Variants in ADARB1 observed in about 807,000 individuals in gnomAD.
The protein encoded by ADARB1 is adenosine deaminase RNA specific B1.
ADARB1 carries 10 observed loss-of-function variants against 52.4 expected under a neutral mutation model. The observed-to-expected ratio is 0.19, with a 90% CI of 0.12 to 0.32. The LOEUF (loss-of-function observed/expected upper bound fraction) is 0.32, where lower values mean the gene tolerates loss of function less well. Among genes scored for constraint, ADARB1 ranks in the 10% least tolerant of loss-of-function variants. The pLI, the probability that ADARB1 is intolerant of heterozygous loss-of-function variation, is 1.00. For missense variants in ADARB1, 643 were observed against 922.3 expected (o/e 0.70, Z 3.92); for synonymous variants, 349 against 371.1 (o/e 0.94, Z 0.68).
chr21:45,147,579 C>T (rs566151350), intron 2 of ADARB1, among the ~76,000 whole-genome samples: 5 of 152,324 alleles, frequency 3.3e-5, no homozygotes, highest in African/African-American at 4.8e-5. Flanking sequence ...GTTTTCCACA[C>T]GCCTCTTTTA....
chr21:45,219,473 A>G (rs182829670), intron 9 of ADARB1, among the ~76,000 whole-genome samples: 5 of 152,304 alleles, frequency 3.3e-5, no homozygotes, highest in Admixed American at 2.6e-4. Flanking sequence ...GCAGCAAGCC[A>G]AGATCGCACC....
intron 1 of ADARB1, among the ~76,000 whole-genome samples, chr21:45,109,136 C>T (rs938279674): frequency 2.7e-5 from 4 of 150,686 alleles, no homozygotes; most frequent in Admixed American, 1.3e-4. Context: ...CTCCTGTATG[C>T]GTGTGTGTGT....
chr21:45,207,538 T>G (rs2092690086), intron 9 of ADARB1, among the ~76,000 whole-genome samples: 1 of 152,288 alleles, frequency 6.6e-6, no homozygotes, highest in East Asian at 1.9e-4. Flanking sequence ...TTAATAGATT[T>G]GGGAGGTCAC....
At chr21:45,217,669 T>C (rs1220050389) in intron 9 of ADARB1, among the ~76,000 whole-genome samples, 4 of 152,194 alleles carry the variant, frequency 2.6e-5, no homozygotes, top group Non-Finnish European at 5.9e-5. Context: ...ATTCTTTGTA[T>C]AGATCTGGAT....
At chr21:45,185,749 T>C (rs1288077243) in intron 8 of ADARB1, among the ~76,000 whole-genome samples, 2 of 152,144 alleles carry the variant, frequency 1.3e-5, no homozygotes, top group Non-Finnish European at 2.9e-5. Flanking sequence ...TAATGTTTAT[T>C]TGGAAAAAAA....
chr21:45,218,543 C>G lies in ADARB1; in HGVS notation c.1748-2293C>G, dbSNP rs560893614. 2.0e-5 allele frequency among the ~76,000 whole-genome samples: 3 copies of G among 152,326 alleles called. No homozygotes were observed. The East Asian group carries it at 5.8e-4, about 29-fold the overall frequency. ...ATTCAAGGACACCCTCTGCGTATCT[C>G]CAGGGCTCACTCTGTCTGCATGTCT... On this transcript the variant is annotated intron_variant, in intron 9 of 10. Coordinates refer to ENST00000348831, the MANE Select transcript of ADARB1 (RefSeq NM_001112.4).
intron 2 of ADARB1, among the ~76,000 whole-genome samples, chr21:45,161,478 G>T (rs899718581): frequency 6.6e-6 from 1 of 152,230 alleles, no homozygotes; most frequent in African/African-American, 2.4e-5. Context: ...TCAGGGCAGT[G>T]CTGACATGCC....
At chr21:45,144,294 A>C (rs2089900250) in intron 2 of ADARB1, among the ~76,000 whole-genome samples, 1 of 152,230 alleles carries the variant, frequency 6.6e-6, no homozygotes, top group Admixed American at 6.5e-5. Flanking sequence ...TGGGAACATT[A>C]AATTTTAGAA....
At position 45,223,676 on chromosome 21, in the gene ADARB1, G is replaced by A. The variant is rs927660697; in HGVS notation, c.*1479G>A. 15 of 985,414 alleles carry A rather than the reference G, an allele frequency of 1.5e-5. No individual in the cohort carries two copies. The highest frequency in any genetic ancestry group is 9.6e-6 in the Non-Finnish European group (8 of 830,068). 61.0% of individuals were successfully genotyped at this position (985,414 alleles called of 1,614,324 possible). A position where few individuals can be genotyped will look rare whatever the true frequency, so the allele number is the denominator to read the frequency against. On this transcript the variant is annotated 3_prime_UTR_variant, in exon 11 of 11. Coordinates refer to ENST00000348831, the MANE Select transcript of ADARB1 (RefSeq NM_001112.4). ...CCAGGGTGTTGGCACCTGTGTGTCCGTGATGAGCCTAGGAAACCAGAGCAG... is the reference window on the plus strand; with the variant it reads ...CCAGGGTGTTGGCACCTGTGTGTCCATGATGAGCCTAGGAAACCAGAGCAG...
chr21:45,119,244 CATTG>C (rs2088009847), intron 1 of ADARB1, among the ~76,000 whole-genome samples: 1 of 152,180 alleles, frequency 6.6e-6, no homozygotes, highest in East Asian at 1.9e-4. Flanking sequence ...TCACGTGCCA[CATTG>C]ACTGATTAAT....
chr21:45,113,914 G>A (rs557682917), intron 1 of ADARB1, among the ~76,000 whole-genome samples: 1 of 152,170 alleles, frequency 6.6e-6, no homozygotes, highest in Non-Finnish European at 1.5e-5. Context: ...GTTATGAATA[G>A]CACGTATAAG....
intron 9 of ADARB1, among the ~76,000 whole-genome samples, chr21:45,211,090 C>T (rs1295832789): frequency 6.6e-6 from 1 of 152,188 alleles, no homozygotes; most frequent in Non-Finnish European, 1.5e-5. Flanking sequence ...CAGGACAAGG[C>T]ACTTCCGAGC....
chr21:45,125,336 G>C (rs1474510451), intron 1 of ADARB1, among the ~76,000 whole-genome samples: 3 of 152,208 alleles, frequency 2.0e-5, no homozygotes, highest in East Asian at 1.9e-4. Flanking sequence ...CTGGCTGTCA[G>C]CTGTGGCTTT....
intron 8 of ADARB1, among the ~76,000 whole-genome samples, chr21:45,192,542 G>A (rs957046367): frequency 6.6e-6 from 1 of 152,132 alleles, no homozygotes. Context: ...TTGCCTCTTG[G>A]TGGCAGCCAC....
chr21:45,113,359 G>C (rs1262514075), intron 1 of ADARB1, among the ~76,000 whole-genome samples: 1 of 152,042 alleles, frequency 6.6e-6, no homozygotes, highest in Non-Finnish European at 1.5e-5. Flanking sequence ...GGAGGTGGAG[G>C]TTGCAGTGAG....
intron 1 of ADARB1, among the ~76,000 whole-genome samples, chr21:45,095,906 G>A (rs1356196119): frequency 6.6e-6 from 1 of 152,164 alleles, no homozygotes; most frequent in Admixed American, 6.5e-5. Context: ...GACTGAGGGA[G>A]GCCTAAAAAG....
At chr21:45,090,790 A>T (rs2086532782) in intron 1 of ADARB1, among the ~76,000 whole-genome samples, 2 of 152,106 alleles carry the variant, frequency 1.3e-5, no homozygotes, top group Admixed American at 1.3e-4. Context: ...GTTTATTTTC[A>T]CGTCATCCTT....
chr21:45,201,170 CA>C (rs1165771552), intron 8 of ADARB1, among the ~76,000 whole-genome samples: 1 of 152,156 alleles, frequency 6.6e-6, no homozygotes, highest in Non-Finnish European at 1.5e-5. Flanking sequence ...GCAGTCTTGG[CA>C]GAGCTTTACT....
intron 2 of ADARB1, among the ~76,000 whole-genome samples, chr21:45,143,392 C>T (rs879319274): frequency 1.3e-5 from 2 of 152,238 alleles, no homozygotes; most frequent in Non-Finnish European, 2.9e-5. Flanking sequence ...CTTCCAGGCT[C>T]TCAGGCTGAA....
Sources: gnomAD v4.1 joint callset for allele counts (sites outside exome capture counted in the v4.1 genomes callset) on GRCh38, gnomAD v4.1.1 for gene constraint, MANE v1.5 for transcripts, NCBI Gene and HGNC (gene_info 2026-07-23, HGNC 2026-07-21) for gene names.